PRMT3: variants seen among roughly 807,000 people sequenced by gnomAD.
The protein encoded by PRMT3 is protein arginine N-methyltransferase 3.
Under a neutral mutation model 71.9 loss-of-function variants are expected in PRMT3, and 62 were observed. The observed-to-expected ratio is 0.86, with a 90% CI of 0.70 to 1.07. The LOEUF is 1.07. Among genes scored for constraint, PRMT3 ranks in the 50% least tolerant of loss-of-function variants. The pLI, the probability that PRMT3 is intolerant of heterozygous loss-of-function variation, is 0.00. For synonymous variants in PRMT3, 213 were observed against 220.4 expected (o/e 0.97, Z 0.30); for missense variants, 663 against 643.0 (o/e 1.03, Z -0.34).
At chr11:20,452,105 CTT>C (rs1474798605) in intron 10 of PRMT3, 23 bp from the exon 11 acceptor site, 3 of 1,530,438 alleles carry the variant, frequency 2.0e-6, no homozygotes, top group Non-Finnish European at 2.7e-6. Flanking sequence ...TTTCTAAACT[CTT>C]TTTTTCCCCT....
intron 9 of PRMT3, among the ~76,000 whole-genome samples, chr11:20,425,810 T>C (rs1466250482): frequency 6.6e-6 from 1 of 152,156 alleles, no homozygotes; most frequent in African/African-American, 2.4e-5. Context: ...ATATATTGAT[T>C]GTGGTGGTCA....
At chr11:20,445,076 T>G (rs1219127682) in intron 10 of PRMT3, among the ~76,000 whole-genome samples, 1 of 43,942 alleles carries the variant, frequency 2.3e-5, no homozygotes, top group Non-Finnish European at 1.5e-4. Context: ...TCTTTAAATA[T>G]AAAAACATAG....
At chr11:20,413,920 A>G (rs1473667677) in intron 9 of PRMT3, among the ~76,000 whole-genome samples, 2 of 152,162 alleles carry the variant, frequency 1.3e-5, no homozygotes, top group Non-Finnish European at 2.9e-5. Flanking sequence ...TTTCTCGGTC[A>G]GAAGTCTATA....
chr11:20,432,628 G>A (rs1849678481), intron 10 of PRMT3, among the ~76,000 whole-genome samples: 1 of 151,986 alleles, frequency 6.6e-6, no homozygotes, highest in Non-Finnish European at 1.5e-5. Flanking sequence ...GTTTTTTGGG[G>A]AACCTCTATA....
intron 13 of PRMT3, among the ~76,000 whole-genome samples, chr11:20,470,543 C>T (rs1010198633): frequency 2.0e-5 from 3 of 152,134 alleles, no homozygotes; most frequent in South Asian, 2.1e-4. Context: ...ACTCCATCCA[C>T]GGCCCTGCAA....
chr11:20,415,421 A>G lies in PRMT3; in HGVS notation c.893+7389A>G, dbSNP rs576097767. ...ACTGGAAGAACTCACACAATTCAGTATAAAGCTGTACTCACAGCTAGGATT... is the reference window on the plus strand; with the variant it reads ...ACTGGAAGAACTCACACAATTCAGTGTAAAGCTGTACTCACAGCTAGGATT... On this transcript the variant is annotated intron_variant, in intron 9 of 15. Transcript: ENST00000331079. Among the ~76,000 whole-genome samples, 9 of 152,280 alleles carry G rather than the reference A, an allele frequency of 5.9e-5. No individual in the cohort carries two copies. The South Asian group carries it at 1.9e-3, about 32-fold the overall frequency.
intron 9 of PRMT3, among the ~76,000 whole-genome samples, chr11:20,411,602 CT>C (rs1214304168): frequency 6.6e-6 from 1 of 151,988 alleles, no homozygotes; most frequent in African/African-American, 2.4e-5. Context: ...TATTTTCTTG[CT>C]GTAATGTTAG....
At chr11:20,394,975 G>T (rs1430748300) in intron 5 of PRMT3, among the ~76,000 whole-genome samples, 1 of 152,188 alleles carries the variant, frequency 6.6e-6, no homozygotes, top group African/African-American at 2.4e-5. Context: ...TGTGTAATGG[G>T]AAGAACGTGG....
At chr11:20,456,457 A>G (rs1850269143) in intron 11 of PRMT3, among the ~76,000 whole-genome samples, 1 of 152,196 alleles carries the variant, frequency 6.6e-6, no homozygotes, top group African/African-American at 2.4e-5. Flanking sequence ...CTTAATTGAA[A>G]TGCTGTTCTT....
intron 9 of PRMT3, among the ~76,000 whole-genome samples, chr11:20,421,444 G>T (rs559161082): frequency 7.2e-5 from 11 of 152,136 alleles, no homozygotes; most frequent in African/African-American, 2.4e-4. Flanking sequence ...TGTTGGCTGT[G>T]ACTCATGGGT....
chr11:20,440,524 G>A (rs1163515290), intron 10 of PRMT3, among the ~76,000 whole-genome samples: 1 of 148,030 alleles, frequency 6.8e-6, no homozygotes, highest in Non-Finnish European at 1.5e-5. Context: ...AAAATAAATT[G>A]GACTGGACTA....
intron 8 of PRMT3, among the ~76,000 whole-genome samples, chr11:20,404,303 C>T (rs1254770519): frequency 1.5e-5 from 2 of 130,828 alleles, no homozygotes; most frequent in South Asian, 2.6e-4. Context: ...GCGCGATCTC[C>T]GTTCACTGCA....
chr11:20,441,854 G>A (rs1175048587), intron 10 of PRMT3, among the ~76,000 whole-genome samples: 1 of 147,518 alleles, frequency 6.8e-6, no homozygotes, highest in Non-Finnish European at 1.5e-5. Context: ...GTGAAATGGC[G>A]TGATCTCGTC....
intron 9 of PRMT3, among the ~76,000 whole-genome samples, chr11:20,409,868 A>G (rs1432685286): frequency 1.3e-5 from 2 of 152,132 alleles, no homozygotes; most frequent in African/African-American, 2.4e-5. Flanking sequence ...CCACTGTCCC[A>G]AAGAAGAGAT....
chr11:20,398,483 C>T (rs533146195), intron 7 of PRMT3, among the ~76,000 whole-genome samples: 1 of 152,114 alleles, frequency 6.6e-6, no homozygotes, highest in African/African-American at 2.4e-5. Flanking sequence ...GATGGAGTCT[C>T]GCTCTGTCAC....
chr11:20,396,644 G>A (rs1295853398), intron 6 of PRMT3, among the ~76,000 whole-genome samples: 2 of 151,038 alleles, frequency 1.3e-5, no homozygotes, highest in Non-Finnish European at 2.9e-5. Context: ...TCGGGGTGGG[G>A]TCGGTGGGGG....
In PRMT3 at chr11:20,402,947, A is replaced by T; in HGVS notation, c.734A>T (p.Asp245Val). 2 of 1,609,092 alleles carry T rather than the reference A, an allele frequency of 1.2e-6. No individual in the cohort carries two copies. The highest frequency in any genetic ancestry group is 2.2e-5 in the South Asian group (2 of 90,972). The change falls in exon 8 of 16, where the codon GAT (aspartate) becomes GTT (valine). Residue 245 changes from aspartate to valine, a missense_variant. By Grantham distance (152) the Asp-to-Val change is radical. Transcript: ENST00000331079. ...AAAATACGAACAGAAAGCTACCGAG[A>T]TTTCATATACCAAAATCCACATATC... ...KDKIRTESYR[D>V]FIYQNPHIFK... is the part of the protein sequence containing the mutation.
Position 20,388,074 on chromosome 11 carries a change from G to A in PRMT3, c.84G>A (p.Gly28=), listed in dbSNP as rs1186292395. The change falls in exon 2 of 16, where the codon GGG becomes GGA. Residue 28 remains glycine (G), a synonymous_variant. Coordinates refer to ENST00000331079, the MANE Select transcript of PRMT3 (RefSeq NM_005788.4). ...EEDLPELSDS[G]DEAAWEDEDD... ...ACCTGCCAGAACTGTCGGACAGCGG[G>A]GACGAGGCCGCCTGGGAGGATGAGG... is the stretch of plus-strand genomic sequence containing the variant. The A allele has an allele frequency of 1.2e-6, 2 of 1,614,090 alleles. No individual in the cohort carries two copies. Among genetic ancestry groups the A allele is most frequent in the South Asian group, 2.2e-5 (2 of 91,092 alleles).
chr11:20,430,253 C>CA (rs1849627728), intron 10 of PRMT3, among the ~76,000 whole-genome samples: 1 of 151,938 alleles, frequency 6.6e-6, no homozygotes, highest in Non-Finnish European at 1.5e-5. Flanking sequence ...CAAGGAAAGA[C>CA]AAAAATAGAA....
Sources: allele counts gnomAD v4.1 joint callset (sites outside exome capture counted in the v4.1 genomes callset), GRCh38; gene constraint gnomAD v4.1.1; transcripts MANE v1.5; gene names NCBI Gene and HGNC (gene_info 2026-07-23, HGNC 2026-07-21).